Variants in CRY1 observed in about 807,000 individuals in gnomAD.
CRY1 encodes cryptochrome-1.
A neutral mutation model predicts 76.0 loss-of-function variants in CRY1; 45 were observed. That is an observed-to-expected ratio of 0.59 (90% confidence interval 0.47 to 0.76). The LOEUF is 0.76. Among genes scored for constraint, CRY1 ranks in the 30% least tolerant of loss-of-function variants. The pLI, the probability that CRY1 is intolerant of heterozygous loss-of-function variation, is 0.00. For missense variants in CRY1, 587 were observed against 716.4 expected (o/e 0.82, Z 2.06); for synonymous variants, 248 against 244.0 (o/e 1.02, Z -0.15).
intron 1 of CRY1, among the ~76,000 whole-genome samples, chr12:107,084,191 A>G (rs1450837799): frequency 1.3e-5 from 2 of 152,126 alleles, no homozygotes; most frequent in East Asian, 3.8e-4. Flanking sequence ...GGACACAAAC[A>G]AATGGAAAAA....
chr12:107,018,057 C>T (rs1952515976), intron 2 of CRY1, among the ~76,000 whole-genome samples: 1 of 152,212 alleles, frequency 6.6e-6, no homozygotes, highest in African/African-American at 2.4e-5. Context: ...ACCTCAGACA[C>T]AGCCTTGTAT....
At chr12:107,086,751 T>G (rs897221818) in intron 1 of CRY1, among the ~76,000 whole-genome samples, 2 of 152,186 alleles carry the variant, frequency 1.3e-5, no homozygotes, top group Non-Finnish European at 2.9e-5. Flanking sequence ...TCACAAGATA[T>G]GTCAAGAAGT....
chr12:107,053,943 T>C (rs1952952819), intron 1 of CRY1, among the ~76,000 whole-genome samples: 1 of 152,180 alleles, frequency 6.6e-6, no homozygotes. Context: ...TAGAATTCTA[T>C]ATCCAGTGTA....
At chr12:107,008,477 G>A (rs375511458) in intron 2 of CRY1, among the ~76,000 whole-genome samples, 1 of 152,132 alleles carries the variant, frequency 6.6e-6, no homozygotes, top group Admixed American at 6.5e-5. Context: ...TAAAGAATAC[G>A]GGGATGGGGT....
intron 3 of CRY1, among the ~76,000 whole-genome samples, chr12:107,004,719 A>G (rs1952350640): frequency 6.6e-6 from 1 of 152,250 alleles, no homozygotes; most frequent in Non-Finnish European, 1.5e-5. Flanking sequence ...TTAAACAAGC[A>G]TACAAAATAT....
At chr12:107,089,223 G>C (rs1237102085) in intron 1 of CRY1, among the ~76,000 whole-genome samples, 1 of 152,124 alleles carries the variant, frequency 6.6e-6, no homozygotes, top group Non-Finnish European at 1.5e-5. Context: ...ATAAGTTTTT[G>C]TATAGGATAA....
intron 2 of CRY1, among the ~76,000 whole-genome samples, chr12:107,017,496 T>C (rs1022260109): frequency 1.3e-5 from 2 of 152,240 alleles, no homozygotes; most frequent in African/African-American, 4.8e-5. Flanking sequence ...GTGCCTAAGA[T>C]AGTCAAACTC....
intron 1 of CRY1, among the ~76,000 whole-genome samples, chr12:107,022,580 T>C (rs188286924): frequency 1.3e-5 from 2 of 151,658 alleles, no homozygotes; most frequent in Non-Finnish European, 2.9e-5. Flanking sequence ...ATCTAGAATA[T>C]CTTCTGCTGG....
At chr12:107,058,585 A>G (rs987095951) in intron 1 of CRY1, among the ~76,000 whole-genome samples, 12 of 152,376 alleles carry the variant, frequency 7.9e-5, no homozygotes, top group Admixed American at 2.0e-4. Context: ...CTTAGAAAAC[A>G]GAGCTTGTTC....
chr12:107,022,287 C>A, intron 1 of CRY1, 95 bp from the exon 2 acceptor site: 1 of 665,830 alleles, frequency 1.5e-6, no homozygotes, highest in Non-Finnish European at 2.4e-6. Context: ...AGTTGAAATG[C>A]CAACCTATCA....
rs757620951 is a variant in CRY1, at chr12:106,997,660, A to C, written c.1320T>G (p.Pro440=). 6 of 1,613,994 alleles carry C rather than the reference A, an allele frequency of 3.7e-6. No homozygotes were observed. The East Asian group carries it at 1.3e-4, about 36-fold the overall frequency. ...RRYLPVLRGF[P]AKYIYDPWNA... is the part of the protein sequence containing the mutation. ...TCCAGGGATCATAGATATATTTTGC[A>C]GGGAAGCCTCTTAGGACAGGCAAAT... Residue 440 remains proline (P), a synonymous_variant, in exon 9 of 13, where the codon CCT becomes CCG. Coordinates refer to ENST00000008527, the MANE Select transcript of CRY1 (RefSeq NM_004075.5).
rs377043259 is a variant in CRY1 at position 107,036,473 on chromosome 12, C to CT, written c.159-14282dup. Among the ~76,000 whole-genome samples the CT allele has an allele frequency of 1.9e-3, 291 of 152,294 alleles. 2 individuals are homozygous for CT. The highest frequency in any genetic ancestry group is 6.6e-3 in the African/African-American group (274 of 41,566). The stretch of plus-strand genomic sequence containing the variant: ...TCTATCTGATCTCACTGCTTCCATA[C>CT]TTGTCCTTACTGCCATCCAGTCCAG... On this transcript the variant is annotated intron_variant, in intron 1 of 12. Transcript: ENST00000008527.
chr12:107,001,623 G>A, intron 4 of CRY1, 141 bp downstream of exon 4: 1 of 725,394 alleles, frequency 1.4e-6, no homozygotes, highest in Non-Finnish European at 2.2e-6. Context: ...ACTTCTTAAA[G>A]GGTTCTTTTT....
Position 106,997,501 on chromosome 12 carries a change from T to A in CRY1, c.1479A>T (p.Arg493=), listed in dbSNP as rs1331108616. Residue 493 remains arginine, a synonymous_variant, in exon 9 of 13, where the codon CGA becomes CGT. Transcript: ENST00000008527. ...TTCTTAACATACCTAGTCCTCTATA[T>A]CGTGAAAGCTGCTGATAGATCTGTT... ...RMKQIYQQLS[R]YRGLGLLASV... The A allele has an allele frequency of 6.2e-7, 1 of 1,613,962 alleles. No homozygotes were observed. Among genetic ancestry groups the A allele is most frequent in the Admixed American group, 1.7e-5 (1 of 60,028 alleles).
In CRY1 at chr12:106,992,992, T is replaced by G; in HGVS notation, c.1630A>C (p.Ser544Arg). 6.2e-7 allele frequency: 1 copy of G among 1,614,104 alleles called. No homozygotes were observed. Among genetic ancestry groups the G allele is most frequent in the Non-Finnish European group, 8.5e-7 (1 of 1,179,944 alleles). ...SGILHYAHGD[S>R]QQTHLLKQGR... The stretch of plus-strand genomic sequence containing the variant: ...TGCTTCAACAGGTGAGTTTGCTGAC[T>G]GTCGCCATGAGCATAGTGTAAAATA... The change falls in exon 11 of 13, where the codon AGT becomes CGT. Residue 544 changes from serine to arginine, a missense_variant. Transcript: ENST00000008527.
chr12:107,008,517 T>C (rs1213826889), intron 2 of CRY1, among the ~76,000 whole-genome samples: 1 of 152,226 alleles, frequency 6.6e-6, no homozygotes, highest in East Asian at 1.9e-4. Flanking sequence ...ATCCACACTC[T>C]GTCTTCCATG....
At position 107,092,912 on chromosome 12, in the gene CRY1, T is replaced by A; in HGVS notation, c.50A>T (p.Asp17Val). 6.2e-7 allele frequency: 1 copy of A among 1,607,036 alleles called. No homozygotes were observed. Among genetic ancestry groups the A allele is most frequent in the Non-Finnish European group, 8.5e-7 (1 of 1,177,706 alleles). The change falls in exon 1 of 13, where the codon GAC becomes GTC. Residue 17 changes from aspartate (D) to valine (V), a missense_variant. Coordinates refer to ENST00000008527, the MANE Select transcript of CRY1 (RefSeq NM_004075.5). The stretch of plus-strand genomic sequence containing the variant: ...AATGCACTCCTTCAGGGCGGGGTTG[T>A]CGTGGAGCCGGAGCCCCTTTCGGAA... ...HWFRKGLRLHDNPALKECIQG... is the reference protein window; with the variant it reads ...HWFRKGLRLHVNPALKECIQG...
intron 1 of CRY1, among the ~76,000 whole-genome samples, chr12:107,036,781 T>C (rs1952738003): frequency 6.6e-6 from 1 of 152,052 alleles, no homozygotes; most frequent in Non-Finnish European, 1.5e-5. Flanking sequence ...AGGATGTTCT[T>C]TCCATCCAGA....
At chr12:107,042,266 T>C (rs1167849031) in intron 1 of CRY1, among the ~76,000 whole-genome samples, 4 of 152,200 alleles carry the variant, frequency 2.6e-5, no homozygotes, top group African/African-American at 9.7e-5. Context: ...CAAGATCTAC[T>C]GTTGAATACT....
Sources: gnomAD v4.1 joint callset for allele counts (sites outside exome capture counted in the v4.1 genomes callset) on GRCh38, gnomAD v4.1.1 for gene constraint, MANE v1.5 for transcripts, NCBI Gene and HGNC (gene_info 2026-07-23, HGNC 2026-07-21) for gene names.